NUTM1: variants seen among roughly 807,000 people sequenced by gnomAD.
NUTM1 encodes NUT family member 1.
In NUTM1, 39 loss-of-function variants were observed where a neutral mutation model predicts 88.7. That is an observed-to-expected ratio of 0.44 (90% confidence interval 0.34 to 0.57). NUTM1 has a LOEUF of 0.57. Ranked by LOEUF, NUTM1 falls within the 20% of genes least tolerant of loss-of-function variation. The pLI is 0.01. For synonymous variants in NUTM1, 494 were observed against 538.0 expected (o/e 0.92, Z 1.13); for missense variants, 1,350 against 1,414.5 (o/e 0.95, Z 0.73).
rs112144410 is a variant in NUTM1, at chr15:34,354,814, A to G, written c.1362+82A>G. On this transcript the variant is annotated intron_variant, in intron 6 of 7. Transcript: ENST00000537011. ...GAACTAATGATCTGGGGTTTGTCCAATGCAGTAGGACTTAGGTTTTATTCT... is the reference window on the plus strand; with the variant it reads ...GAACTAATGATCTGGGGTTTGTCCAGTGCAGTAGGACTTAGGTTTTATTCT... The G allele has an allele frequency of 2.2e-4, 299 of 1,378,090 alleles. 1 individual carries two copies. The highest frequency in any genetic ancestry group is 1.9e-3 in the African/African-American group (132 of 69,622). 85.4% of individuals were successfully genotyped at this position (1,378,090 alleles called of 1,614,324 possible).
At chr15:34,349,498 A>G (rs10519924) in intron 3 of NUTM1, among the ~76,000 whole-genome samples, 52,156 of 152,098 alleles carry the variant, frequency 0.34, 10,227 homozygotes, top group Non-Finnish European at 0.45. Flanking sequence ...CTTAAGAGCG[A>G]GTGTGTGTTT....
At chr15:34,347,677 C>A (rs530393839) in intron 2 of NUTM1, among the ~76,000 whole-genome samples, 1 of 152,008 alleles carries the variant, frequency 6.6e-6, no homozygotes, top group Non-Finnish European at 1.5e-5. Flanking sequence ...CACGGTGAAA[C>A]CCCGTCTCTA....
intron 1 of NUTM1, 136 bp downstream of exon 1, chr15:34,343,838 C>T: frequency 1.4e-6 from 1 of 700,286 alleles, no homozygotes; most frequent in Non-Finnish European, 2.3e-6. Context: ...TTACAAAGAT[C>T]ATCGTTACGC....
rs189638970 is a variant in NUTM1, at chr15:34,357,615, G to T, written c.*124G>T. The T allele has an allele frequency of 1.5e-4, 237 of 1,577,204 alleles. 1 individual carries two copies. In the African/African-American group the frequency reaches 3.0e-3, roughly 20 times the overall value. Reference sequence around the variant, plus strand: ...TTGAATCTCATCCCAATGTTGTTTTGTTGTTCTGCAAAAGTGGCAAGCATG... The same window carrying T: ...TTGAATCTCATCCCAATGTTGTTTTTTTGTTCTGCAAAAGTGGCAAGCATG... On this transcript the variant is annotated 3_prime_UTR_variant, in exon 8 of 8. Coordinates refer to ENST00000537011, the MANE Select transcript of NUTM1 (RefSeq NM_001284292.2).
At position 34,355,766 on chromosome 15, in the gene NUTM1, A is replaced by G; in HGVS notation, c.1758A>G (p.Pro586=). The change falls in exon 8 of 8, where the codon CCA becomes CCG. Residue 586 remains proline, a synonymous_variant. Transcript: ENST00000537011. The surrounding 1 kb of genome is among the most constrained non-coding windows in gnomAD (Gnocchi z 4.3). ...TGCACAGGGATGGGAACACTCTGCC[A>G]TCCCCCAGCAGCTGGGACCTGCAGC... ...RGMHRDGNTL[P]SPSSWDLQPE... is the part of the protein sequence containing the mutation. 1 of 1,614,206 alleles carries G rather than the reference A, an allele frequency of 6.2e-7. No homozygotes were observed. Among genetic ancestry groups the G allele is most frequent in the African/African-American group, 1.3e-5 (1 of 75,058 alleles).
rs751986279 is a variant in NUTM1 at position 34,355,743 on chromosome 15, C to G, written c.1735C>G (p.His579Asp). 5 of 1,613,940 alleles carry G rather than the reference C, an allele frequency of 3.1e-6. No individual in the cohort carries two copies. In the East Asian group the frequency reaches 8.9e-5, roughly 29 times the overall value. ...AGCCCTAGATAGCCCCAGAGGGATG[C>G]ACAGGGATGGGAACACTCTGCCATC... ...EQALDSPRGMHRDGNTLPSPS... is the reference protein window; with the variant it reads ...EQALDSPRGMDRDGNTLPSPS... Residue 579 changes from histidine (H) to aspartate (D), a missense_variant, in exon 8 of 8, where the codon CAC (histidine) becomes GAC (aspartate). This residue lies in a region of NUTM1 where 730 missense variants were observed against 728.8 expected (regional missense o/e 1.00). Transcript: ENST00000537011. The surrounding 1 kb of genome is among the most constrained non-coding windows in gnomAD (Gnocchi z 4.3).
At position 34,348,228 on chromosome 15, in the gene NUTM1, C is replaced by G; in HGVS notation, c.360C>G (p.Val120=). The G allele has an allele frequency of 2.5e-6, 4 of 1,614,246 alleles. No homozygotes were observed. Among genetic ancestry groups the G allele is most frequent in the Non-Finnish European group, 2.5e-6 (3 of 1,180,040 alleles). ...GGGCTGGCAAGGTCATTGTCAAAGT[C>G]AAGACAGAAGGGGGGTCAGCTGAGC... ...GAGAGKVIVK[V]KTEGGSAEPS... is the part of the protein sequence containing the mutation. The change falls in exon 3 of 8, where the codon GTC becomes GTG. Residue 120 remains valine (V), a synonymous_variant. Coordinates refer to ENST00000537011, the MANE Select transcript of NUTM1 (RefSeq NM_001284292.2).
chr15:34,348,603 G>T lies in NUTM1; in HGVS notation c.735G>T (p.Trp245Cys). ...ACGTTTATGAGAACTTCCGTCAGTG[G>T]CAGCGTTACAAAGCCTTGGCCCGGA... is the stretch of plus-strand genomic sequence containing the variant. ...SKDVYENFRQ[W>C]QRYKALARRH... Residue 245 changes from tryptophan (W) to cysteine (C), a missense_variant, in exon 3 of 8, where the codon TGG becomes TGT. Coordinates refer to ENST00000537011, the MANE Select transcript of NUTM1 (RefSeq NM_001284292.2). The T allele has an allele frequency of 1.2e-6, 2 of 1,611,776 alleles. No individual in the cohort carries two copies. The highest frequency in any genetic ancestry group is 3.3e-5 in the Admixed American group (2 of 60,032).
rs187261332 is a variant in NUTM1 at position 34,354,889 on chromosome 15, G to A, written c.1363-132G>A. The A allele has an allele frequency of 2.3e-3, 2,301 of 1,011,024 alleles. 9 individuals carry two copies. The highest frequency in any genetic ancestry group is 3.1e-3 in the Non-Finnish European group (1,993 of 648,438). The allele number at this position is 1,011,024 out of a possible 1,614,324, so 62.6% of individuals were successfully genotyped here. A position where few individuals can be genotyped will look rare whatever the true frequency, so the allele number is the denominator to read the frequency against. On this transcript the variant is annotated intron_variant, in intron 6 of 7. Transcript: ENST00000537011. ...CATCATCATGAGAATGTGTGTAGCCGGTGGTGGTCAGTTTACAATACCGGA... is the reference window on the plus strand; with the variant it reads ...CATCATCATGAGAATGTGTGTAGCCAGTGGTGGTCAGTTTACAATACCGGA...
rs1183322409 is a variant in NUTM1 at position 34,355,934 on chromosome 15, T to C, written c.1926T>C (p.Asp642=). The change falls in exon 8 of 8, where the codon GAT becomes GAC. Residue 642 remains aspartate, a synonymous_variant. Transcript: ENST00000537011. The surrounding 1 kb of genome is among the most constrained non-coding windows in gnomAD (Gnocchi z 4.3). ...AGPPGHCLVA[D]RTSEALPLCW... Reference sequence around the variant, plus strand: ...CTCCTGGGCACTGCCTGGTGGCTGATAGGACTTCAGAGGCTCTGCCCCTTT... The same window carrying C: ...CTCCTGGGCACTGCCTGGTGGCTGACAGGACTTCAGAGGCTCTGCCCCTTT... The C allele has an allele frequency of 1.2e-6, 2 of 1,614,048 alleles. No homozygotes were observed. Among genetic ancestry groups the C allele is most frequent in the Admixed American group, 1.7e-5 (1 of 60,016 alleles).
Position 34,348,161 on chromosome 15 carries a change from T to G in NUTM1, c.293T>G (p.Leu98Arg). ...ATGCTCTCTGCTTTCCCCAGCTCAC[T>G]GTTGGTGACAGGGGATGGGGGCCCT... ...PLMLSAFPSS[L>R]LVTGDGGPCL... The change falls in exon 3 of 8, where the codon CTG (leucine) becomes CGG (arginine). Residue 98 changes from leucine to arginine, a missense_variant. By Grantham distance (102) the Leu-to-Arg change is moderately radical. Around this residue, in one of 5 missense-constraint regions of NUTM1, gnomAD observed 399 missense variants for 397.9 expected, o/e 1.00. Transcript: ENST00000537011. The G allele has an allele frequency of 1.2e-6, 2 of 1,614,196 alleles. No homozygotes were observed. Among genetic ancestry groups the G allele is most frequent in the Non-Finnish European group, 1.7e-6 (2 of 1,180,026 alleles).
intron 4 of NUTM1, among the ~76,000 whole-genome samples, chr15:34,351,547 A>T (rs1404963845): frequency 2.6e-5 from 4 of 152,034 alleles, no homozygotes; most frequent in African/African-American, 9.7e-5. Flanking sequence ...CTGAATCTGT[A>T]TAGGAGCCTT....
At chr15:34,353,693 G>GTC in intron 4 of NUTM1, 43 bp from the exon 5 acceptor site, 4 of 1,611,932 alleles carry the variant, frequency 2.5e-6, no homozygotes, top group Non-Finnish European at 3.4e-6. Flanking sequence ...GATGGGTCTG[G>GTC]TCTCCTTCTC....
Position 34,353,728 on chromosome 15 carries a change from C to T in NUTM1, c.939-8C>T, listed in dbSNP as rs898001733. ...CAGCATTGCCTATGCCTTTCTCACCCTCTGCAGGTTCATGGAGTTTGAGGC... is the reference window on the plus strand; with the variant it reads ...CAGCATTGCCTATGCCTTTCTCACCTTCTGCAGGTTCATGGAGTTTGAGGC... On this transcript the variant is annotated splice_polypyrimidine_tract_variant and splice_region_variant and intron_variant, in intron 4 of 7. Transcript: ENST00000537011. The T allele has an allele frequency of 6.2e-7, 1 of 1,614,102 alleles. No homozygotes were observed. The highest frequency in any genetic ancestry group is 2.2e-5 in the East Asian group (1 of 44,884).
intron 3 of NUTM1, among the ~76,000 whole-genome samples, chr15:34,348,911 G>T (rs1478216315): frequency 6.6e-6 from 1 of 152,172 alleles, no homozygotes; most frequent in East Asian, 1.9e-4. Flanking sequence ...CACACTGTGA[G>T]TTCAGGCAAG....
rs764203769 is a variant in NUTM1 at position 34,343,676 on chromosome 15, G to T, written c.-21G>T. 1 of 1,532,658 alleles carries T rather than the reference G, an allele frequency of 6.5e-7. No homozygotes were observed. Among genetic ancestry groups the T allele is most frequent in the Non-Finnish European group, 8.7e-7 (1 of 1,144,172 alleles). The allele number at this position is 1,532,658 out of a possible 1,614,324, so 94.9% of individuals were successfully genotyped here. On this transcript the variant is annotated 5_prime_UTR_variant, in exon 1 of 8. Coordinates refer to ENST00000537011, the MANE Select transcript of NUTM1 (RefSeq NM_001284292.2). ...CAAGATTTAAAGTTAGGTCCCTACC[G>T]CAAATTCAGCGCTCTTTCTTATGGT...
In NUTM1 at chr15:34,343,688, C is replaced by G; in HGVS notation, c.-9C>G. 1 of 1,534,260 alleles carries G rather than the reference C, an allele frequency of 6.5e-7. No individual in the cohort carries two copies. Among genetic ancestry groups the G allele is most frequent in the Non-Finnish European group, 8.7e-7 (1 of 1,145,608 alleles). ...TTAGGTCCCTACCGCAAATTCAGCG[C>G]TCTTTCTTATGGTGGTGAGTAGCTA... On this transcript the variant is annotated 5_prime_UTR_variant, in exon 1 of 8. Coordinates refer to ENST00000537011, the MANE Select transcript of NUTM1 (RefSeq NM_001284292.2).
Position 34,348,102 on chromosome 15 carries a change from C to T in NUTM1, c.234C>T (p.Ile78=), listed in dbSNP as rs769681137. The T allele has an allele frequency of 1.9e-6, 3 of 1,614,174 alleles. No homozygotes were observed. The highest frequency in any genetic ancestry group is 2.2e-5 in the South Asian group (2 of 91,088). Residue 78 remains isoleucine, a synonymous_variant, in exon 3 of 8, where the codon ATC becomes ATT. Transcript: ENST00000537011. ...HPPREPPPQP[I]MPSVFSPDNP... ...CCAGGGAGCCACCTCCACAGCCCAT[C>T]ATGCCTTCAGTATTCTCTCCAGACA...
At chr15:34,353,576 G>A (rs1371879947) in intron 4 of NUTM1, among the ~76,000 whole-genome samples, 160 bp from the exon 5 acceptor site, 1 of 152,110 alleles carries the variant, frequency 6.6e-6, no homozygotes, top group Non-Finnish European at 1.5e-5. Flanking sequence ...CTGGAAATAC[G>A]ATTAAGCCAC....
Sources: gnomAD v4.1 joint callset for allele counts (sites outside exome capture counted in the v4.1 genomes callset) on GRCh38, gnomAD v4.1.1 for gene constraint, gnomAD v4.1.1 regional missense constraint, Gnocchi (gnomAD v3.1) non-coding constraint, MANE v1.5 for transcripts, NCBI Gene and HGNC (gene_info 2026-07-23, HGNC 2026-07-21) for gene names.